ZBTB7C: variants seen among roughly 807,000 people sequenced by gnomAD.
ZBTB7C encodes the protein zinc finger and BTB domain-containing protein 7C.
Under a neutral mutation model 25.7 loss-of-function variants are expected in ZBTB7C, and 8 were observed. The ratio of observed to expected loss-of-function variants is 0.31; its 90% CI spans 0.18 to 0.56. The LOEUF is 0.56. Ranked by LOEUF, ZBTB7C falls within the 20% of genes least tolerant of loss-of-function variation. The pLI, the probability that ZBTB7C is intolerant of heterozygous loss-of-function variation, is 0.91. For synonymous variants in ZBTB7C, 394 were observed against 369.0 expected (o/e 1.07, Z -0.78); for missense variants, 824 against 855.2 (o/e 0.96, Z 0.46).
At chr18:48,290,125 C>A (rs1324378264) in intron 2 of ZBTB7C, among the ~76,000 whole-genome samples, 1 of 152,184 alleles carries the variant, frequency 6.6e-6, no homozygotes, top group African/African-American at 2.4e-5. Flanking sequence ...TTTAGCACCT[C>A]GTACACGCTC....
At chr18:48,042,644 C>G (rs949918347) in intron 3 of ZBTB7C, among the ~76,000 whole-genome samples, 16 of 152,188 alleles carry the variant, frequency 1.1e-4, no homozygotes, top group Admixed American at 9.2e-4. Context: ...GCTGCCCTCA[C>G]CTTCTCCTCC....
chr18:48,347,622 G>A (rs908233024), intron 1 of ZBTB7C, among the ~76,000 whole-genome samples: 3 of 152,110 alleles, frequency 2.0e-5, no homozygotes, highest in Non-Finnish European at 4.4e-5. Context: ...TATGGGGTGG[G>A]CAGCCTCTTC....
chr18:48,296,138 T>C (rs532459595), intron 2 of ZBTB7C, among the ~76,000 whole-genome samples: 1 of 152,260 alleles, frequency 6.6e-6, no homozygotes, highest in South Asian at 2.1e-4. Flanking sequence ...GCCATGCCCA[T>C]GCGCCTTGGT....
intron 2 of ZBTB7C, among the ~76,000 whole-genome samples, chr18:48,195,462 C>T (rs905658253): frequency 5.9e-5 from 9 of 152,322 alleles, no homozygotes; most frequent in African/African-American, 2.2e-4. Context: ...TTGCCTGCCG[C>T]CATGTAAGAC....
At chr18:48,114,930 T>C (rs2144686149) in intron 3 of ZBTB7C, among the ~76,000 whole-genome samples, 1 of 152,350 alleles carries the variant, frequency 6.6e-6, no homozygotes, top group East Asian at 1.9e-4. Flanking sequence ...GTATATAACA[T>C]AAAATTTGCC....
intron 4 of ZBTB7C, among the ~76,000 whole-genome samples, chr18:48,039,350 C>T (rs182785446): frequency 1.2e-3 from 186 of 152,338 alleles, no homozygotes; most frequent in Admixed American, 2.1e-3. Context: ...TCCAGCTGCA[C>T]ACATGCTTGG....
At chr18:48,057,498 G>A (rs1431273611) in intron 3 of ZBTB7C, among the ~76,000 whole-genome samples, 1 of 152,192 alleles carries the variant, frequency 6.6e-6, no homozygotes, top group African/African-American at 2.4e-5. Context: ...AGATGACCAT[G>A]TGTACATACT....
intron 3 of ZBTB7C, among the ~76,000 whole-genome samples, chr18:48,181,270 T>C (rs530837137): frequency 6.6e-6 from 1 of 152,306 alleles, no homozygotes; most frequent in Admixed American, 6.5e-5. Flanking sequence ...TCTATCCCCT[T>C]GCTCTCTAAG....
chr18:48,365,876 G>A lies in ZBTB7C; in HGVS notation c.-303-27478C>T, dbSNP rs181252387. Among the ~76,000 whole-genome samples the A allele has an allele frequency of 4.6e-3, 703 of 152,290 alleles. 2 individuals carry two copies. The highest frequency in any genetic ancestry group is 8.3e-3 in the Non-Finnish European group (566 of 68,016). On this transcript the variant is annotated intron_variant, in intron 1 of 4. Coordinates refer to ENST00000590800, the MANE Select transcript of ZBTB7C (RefSeq NM_001318841.2). ...GGCAGAAAATGGTAACAGGGATAAG[G>A]GAGAAGATGTAGGAGATATTTTAGT...
intron 3 of ZBTB7C, among the ~76,000 whole-genome samples, chr18:48,141,153 C>CG (rs1555699063): frequency 1.3e-5 from 2 of 148,686 alleles, no homozygotes; most frequent in Non-Finnish European, 1.5e-5. Flanking sequence ...ACCACCCCCC[C>CG]CACTGTTCCT....
intron 3 of ZBTB7C, among the ~76,000 whole-genome samples, chr18:48,114,787 G>A (rs1176152010): frequency 2.0e-5 from 3 of 152,166 alleles, no homozygotes; most frequent in Non-Finnish European, 4.4e-5. Flanking sequence ...TGGATGAATC[G>A]TAGAAACCTA....
At chr18:48,200,637 G>A (rs1303421571) in intron 2 of ZBTB7C, among the ~76,000 whole-genome samples, 2 of 152,154 alleles carry the variant, frequency 1.3e-5, no homozygotes, top group Non-Finnish European at 2.9e-5. Context: ...CCGTCAACAG[G>A]AAATGGGTCC....
At chr18:48,199,992 TTGTGTGTGTGTG>T (rs57540482) in intron 2 of ZBTB7C, among the ~76,000 whole-genome samples, 2 of 149,204 alleles carry the variant, frequency 1.3e-5, no homozygotes, top group African/African-American at 2.5e-5. Context: ...GGAAATGTAT[TTGTGTGTGTGTG>T]TGTGTGTGTG....
chr18:48,180,422 C>G (rs1051934924), intron 3 of ZBTB7C: 1 of 452,412 alleles, frequency 2.2e-6, no homozygotes, highest in South Asian at 1.6e-5. Flanking sequence ...CAGGCCAGCA[C>G]TCCTCTTGAA....
intron 1 of ZBTB7C, among the ~76,000 whole-genome samples, chr18:48,376,441 T>C (rs541489551): frequency 1.3e-5 from 2 of 152,228 alleles, no homozygotes; most frequent in Non-Finnish European, 2.9e-5. Flanking sequence ...GGTTAATTAC[T>C]GTTTTGGGGC....
chr18:48,308,341 T>A (rs1341036061), intron 2 of ZBTB7C, among the ~76,000 whole-genome samples: 1 of 152,190 alleles, frequency 6.6e-6, no homozygotes, highest in Non-Finnish European at 1.5e-5. Flanking sequence ...CAAAGGGCGA[T>A]TCTACTGGCA....
intron 3 of ZBTB7C, among the ~76,000 whole-genome samples, chr18:48,047,356 GAC>G (rs886993223): frequency 4.0e-5 from 6 of 150,210 alleles, no homozygotes; most frequent in Admixed American, 1.3e-4. Context: ...CACACACACA[GAC>G]ACACATGAGA....
intron 2 of ZBTB7C, among the ~76,000 whole-genome samples, chr18:48,262,831 C>A (rs2044208936): frequency 6.6e-6 from 1 of 152,140 alleles, no homozygotes. Flanking sequence ...GAGCATGCCC[C>A]AGACCAGTTA....
intron 3 of ZBTB7C, among the ~76,000 whole-genome samples, chr18:48,134,930 C>T (rs558770189): frequency 6.6e-6 from 1 of 152,342 alleles, no homozygotes; most frequent in African/African-American, 2.4e-5. Context: ...TCCACTGCAT[C>T]CCCTTGAACC....
Sources: gnomAD v4.1 joint callset for allele counts (sites outside exome capture counted in the v4.1 genomes callset) on GRCh38, gnomAD v4.1.1 for gene constraint, MANE v1.5 for transcripts, NCBI Gene and HGNC (gene_info 2026-07-23, HGNC 2026-07-21) for gene names.